Variants in DYM observed in about 807,000 individuals in gnomAD.
DYM encodes the protein dyggve-Melchior-Clausen syndrome protein.
In DYM, 78 loss-of-function variants were observed where a neutral mutation model predicts 93.1. The observed-to-expected ratio is 0.84, with a 90% confidence interval of 0.70 to 1.01. DYM has a LOEUF of 1.01. DYM is among the 50% of genes least tolerant of loss of function. The pLI, the probability that DYM is intolerant of heterozygous loss-of-function variation, is 0.00. For missense variants in DYM, 789 were observed against 845.0 expected (o/e 0.93, Z 0.82); for synonymous variants, 321 against 319.7 (o/e 1.00, Z -0.04).
chr18:49,226,282 A>T (rs2144255121), intron 13 of DYM, among the ~76,000 whole-genome samples: 1 of 151,960 alleles, frequency 6.6e-6, no homozygotes, highest in Middle Eastern at 3.4e-3. Flanking sequence ...AGGTGTAGAT[A>T]AACAGATCAA....
Position 49,286,935 on chromosome 18 carries a change from G to A in DYM, c.764-319C>T, listed in dbSNP as rs966408112. On this transcript the variant is annotated intron_variant, in intron 8 of 17. Transcript: ENST00000675505. ...AAGCCGGGTGCAGTGGCACACACCT[G>A]TAATCCCAGCACTTTGAGAGGCCAA... 7.2e-5 allele frequency among the ~76,000 whole-genome samples: 11 copies of A among 152,304 alleles called. No homozygotes were observed. In the East Asian group the frequency reaches 2.1e-3, roughly 29 times the overall value.
chr18:49,116,731 C>G (rs2081958588), intron 16 of DYM, among the ~76,000 whole-genome samples: 1 of 152,186 alleles, frequency 6.6e-6, no homozygotes, highest in Non-Finnish European at 1.5e-5. Flanking sequence ...TTATCATCTT[C>G]TATCAAAGCA....
intron 17 of DYM, among the ~76,000 whole-genome samples, chr18:49,088,960 A>AT (rs2078805669): frequency 6.6e-6 from 1 of 151,974 alleles, no homozygotes; most frequent in Non-Finnish European, 1.5e-5. Flanking sequence ...CCTGGCTAAT[A>AT]TTTTAGGGGG....
chr18:49,140,557 T>C (rs894101088), intron 15 of DYM, among the ~76,000 whole-genome samples: 2 of 152,236 alleles, frequency 1.3e-5, no homozygotes, highest in Admixed American at 1.3e-4. Context: ...TAAAATCTGA[T>C]ACGAATTTTA....
chr18:49,459,611 C>T (rs543962410), intron 1 of DYM, among the ~76,000 whole-genome samples: 28 of 152,210 alleles, frequency 1.8e-4, no homozygotes, highest in Non-Finnish European at 3.5e-4. Flanking sequence ...CTTCCCCTCT[C>T]CTCTTTCAAG....
At chr18:49,210,782 C>T (rs2092742945) in intron 13 of DYM, among the ~76,000 whole-genome samples, 1 of 151,970 alleles carries the variant, frequency 6.6e-6, no homozygotes, top group African/African-American at 2.4e-5. Flanking sequence ...GGTTGGAGGC[C>T]AGGGGATATA....
At position 49,391,682 on chromosome 18, in the gene DYM, T is replaced by C. The variant is rs369718422; in HGVS notation, c.141-37A>G. The stretch of plus-strand genomic sequence containing the variant: ...GAAGAATAAAGGTAATTAATGACTA[T>C]AATACTAAATATGTACATGCTAATC... On this transcript the variant is annotated intron_variant, in intron 2 of 17. Transcript: ENST00000675505. 9 of 1,519,852 alleles carry C rather than the reference T, an allele frequency of 5.9e-6. No homozygotes were observed. The African/African-American group carries it at 8.2e-5, about 14-fold the overall frequency. The allele number at this position is 1,519,852 out of a possible 1,614,324, so 94.1% of individuals were successfully genotyped here.
intron 2 of DYM, among the ~76,000 whole-genome samples, chr18:49,417,066 T>C (rs562259275): frequency 2.0e-5 from 3 of 152,268 alleles, no homozygotes; most frequent in African/African-American, 7.2e-5. Context: ...ACTGGAAGCA[T>C]TACTAGAAGT....
intron 2 of DYM, among the ~76,000 whole-genome samples, chr18:49,404,715 C>G (rs2071256952): frequency 1.3e-5 from 2 of 152,064 alleles, no homozygotes; most frequent in Non-Finnish European, 2.9e-5. Flanking sequence ...TTATATGTCT[C>G]CCTTTGAAAA....
At position 49,317,619 on chromosome 18, in the gene DYM, C is replaced by CTCCTAT. The variant is rs1426473105; in HGVS notation, c.763+14244_763+14245insATAGGA. Among the ~76,000 whole-genome samples the CTCCTAT allele has an allele frequency of 1.2e-3, 50 of 41,456 alleles. 1 individual carries two copies. The highest frequency in any genetic ancestry group is 1.8e-3 in the Non-Finnish European group (39 of 21,746). The allele number at this position is 41,456 out of a possible 152,430, so 27.2% of individuals were successfully genotyped here. On this transcript the variant is annotated intron_variant, in intron 8 of 17. Transcript: ENST00000675505. ...TCTCCCCCCTCCCCCCTCCCTCCCT[C>CTCCTAT]CCTCCCTCCCTCTCCTATCCTCTCC...
At chr18:49,228,439 C>T (rs2093603418) in intron 13 of DYM, among the ~76,000 whole-genome samples, 1 of 152,008 alleles carries the variant, frequency 6.6e-6, no homozygotes, top group Admixed American at 6.6e-5. Flanking sequence ...TTAAGAAAAC[C>T]CCACAATTTG....
intron 1 of DYM, among the ~76,000 whole-genome samples, chr18:49,432,194 G>C (rs1187039197): frequency 6.6e-6 from 1 of 151,998 alleles, no homozygotes; most frequent in Non-Finnish European, 1.5e-5. Flanking sequence ...AGTCTGGCAT[G>C]GTGGTGCATG....
intron 17 of DYM, among the ~76,000 whole-genome samples, chr18:49,066,649 ATACAT>A (rs1254966211): frequency 6.6e-6 from 1 of 152,196 alleles, no homozygotes; most frequent in Admixed American, 6.5e-5. Flanking sequence ...GAGTATGCAT[ATACAT>A]CTGTTCGACT....
At chr18:49,125,949 T>C (rs563238960) in intron 15 of DYM, among the ~76,000 whole-genome samples, 2 of 152,344 alleles carry the variant, frequency 1.3e-5, no homozygotes, top group South Asian at 2.1e-4. Context: ...TGTCCCTCAA[T>C]ACAACCTGGC....
chr18:49,067,465 G>GGGGTGATGTGTTATAGAGGTTCA (rs2076550227), intron 17 of DYM, among the ~76,000 whole-genome samples: 1 of 32,810 alleles, frequency 3.0e-5, no homozygotes, highest in Non-Finnish European at 6.1e-5. Context: ...ATGGAAGTTT[G>GGGGTGATGTGTTATAGAGGTTCA]GTAGGAGAAG....
At chr18:49,150,338 T>A (rs2085677167) in intron 15 of DYM, among the ~76,000 whole-genome samples, 1 of 152,194 alleles carries the variant, frequency 6.6e-6, no homozygotes, top group Admixed American at 6.5e-5. Context: ...TGTAATGATA[T>A]TTGGAGAGGG....
In DYM at chr18:49,040,811, T is replaced by G. The variant is rs985847358; in HGVS notation, c.*3244A>C. 6.6e-6 allele frequency among the ~76,000 whole-genome samples: 1 copy of G among 152,206 alleles called. No individual in the cohort carries two copies. Among genetic ancestry groups the G allele is most frequent in the African/African-American group, 2.4e-5 (1 of 41,446 alleles). ...TTATGCAGAGAGCTCTACCACCCAA[T>G]GCAAAACCCTGGCTCCCGGAATCTA... On this transcript the variant is annotated 3_prime_UTR_variant, in exon 18 of 18. Transcript: ENST00000675505.
At position 49,378,634 on chromosome 18, in the gene DYM, G is replaced by A; in HGVS notation, c.354C>T (p.Ile118=). Residue 118 remains isoleucine (I), a synonymous_variant, in exon 5 of 18, where the codon ATC becomes ATT. Transcript: ENST00000675505. ...FIICCLLKVF[I]CQMSEEELQL... ...GTAATTCCTCCTCTGACATCTGACAGATGAACACTTTCAGCAAACAGCAAA... is the reference window on the plus strand; with the variant it reads ...GTAATTCCTCCTCTGACATCTGACAAATGAACACTTTCAGCAAACAGCAAA... The A allele has an allele frequency of 6.2e-7, 1 of 1,613,098 alleles. No individual in the cohort carries two copies. The highest frequency in any genetic ancestry group is 8.5e-7 in the Non-Finnish European group (1 of 1,179,336).
intron 2 of DYM, among the ~76,000 whole-genome samples, chr18:49,414,530 C>T (rs2072677835): frequency 1.3e-5 from 2 of 152,148 alleles, no homozygotes; most frequent in African/African-American, 4.8e-5. Flanking sequence ...TTTCACACAG[C>T]CAAGTCCTTA....
Sources: allele counts gnomAD v4.1 joint callset (sites outside exome capture counted in the v4.1 genomes callset), GRCh38; gene constraint gnomAD v4.1.1; transcripts MANE v1.5; gene names NCBI Gene and HGNC (gene_info 2026-07-23, HGNC 2026-07-21).